FBXL2: variants seen among roughly 807,000 people sequenced by gnomAD.
FBXL2 encodes the protein F-box and leucine rich repeat protein 2, also known as F-box/LRR-repeat protein 2.
A neutral mutation model predicts 69.2 loss-of-function variants in FBXL2; 38 were observed. That is an observed-to-expected ratio of 0.55 (90% CI 0.42 to 0.72). The LOEUF (loss-of-function observed/expected upper bound fraction) is 0.72. Ranked by LOEUF, FBXL2 falls within the 30% of genes least tolerant of loss-of-function variation. FBXL2 has a pLI of 0.00. For missense variants in FBXL2, 354 were observed against 520.3 expected (o/e 0.68, Z 3.11); for synonymous variants, 192 against 201.3 (o/e 0.95, Z 0.39).
chr3:33,359,074 G>T (rs1465323393), intron 3 of FBXL2, 53 bp downstream of exon 3: 6 of 1,234,098 alleles, frequency 4.9e-6, no homozygotes, highest in South Asian at 1.6e-5. Context: ...TTATTAGAAT[G>T]AGTTTTAGTT....
At chr3:33,328,580 A>G (rs1370438074) in intron 2 of FBXL2, among the ~76,000 whole-genome samples, 2 of 152,218 alleles carry the variant, frequency 1.3e-5, no homozygotes, top group Non-Finnish European at 2.9e-5. Context: ...CAACGGCACC[A>G]AGAACATAAA....
At chr3:33,371,199 C>T (rs1329664535) in intron 5 of FBXL2, among the ~76,000 whole-genome samples, 6 of 144,062 alleles carry the variant, frequency 4.2e-5, no homozygotes, top group Admixed American at 7.3e-5. Context: ...GAGTCTCGCT[C>T]TGTGGCCCAG....
At chr3:33,289,704 C>G in intron 1 of FBXL2, 1 of 980,978 alleles carries the variant, frequency 1.0e-6, no homozygotes, top group Non-Finnish European at 1.2e-6. Flanking sequence ...CACCTACCTG[C>G]CAACTTTTCC....
chr3:33,358,464 C>T (rs1270868439), intron 2 of FBXL2, among the ~76,000 whole-genome samples: 1 of 152,182 alleles, frequency 6.6e-6, no homozygotes, highest in Non-Finnish European at 1.5e-5. Flanking sequence ...CCTATGTTCT[C>T]TGGCTCCTTG....
intron 12 of FBXL2, among the ~76,000 whole-genome samples, chr3:33,400,444 A>G (rs1412388863): frequency 2.0e-5 from 3 of 152,206 alleles, no homozygotes; most frequent in Admixed American, 2.0e-4. Context: ...AGAAACTTAA[A>G]CATGATACAC....
intron 2 of FBXL2, among the ~76,000 whole-genome samples, chr3:33,350,438 T>C (rs2040750875): frequency 6.6e-6 from 1 of 151,608 alleles, no homozygotes. Context: ...TCATAATTTT[T>C]TTTTTTTTTT....
In FBXL2 at chr3:33,281,442, CATT is replaced by C. The variant is rs1355941552; in HGVS notation, c.3+3928_3+3930del. ...GCCACATTTTCTTAATCCAGTCTAT[CATT>C]GTTGGACATTTGGGTTGGTTCCAAG... On this transcript the variant is annotated intron_variant, in intron 1 of 14. Transcript: ENST00000484457. 5.3e-5 allele frequency among the ~76,000 whole-genome samples: 8 copies of C among 152,212 alleles called. No homozygotes were observed. The East Asian group carries it at 7.7e-4, about 15-fold the overall frequency.
chr3:33,334,714 A>G (rs993981230), intron 2 of FBXL2, among the ~76,000 whole-genome samples: 5 of 152,302 alleles, frequency 3.3e-5, no homozygotes, highest in East Asian at 1.9e-4. Flanking sequence ...TGAAACACCT[A>G]TGCACACTAT....
intron 2 of FBXL2, among the ~76,000 whole-genome samples, chr3:33,353,375 A>G (rs1291197231): frequency 1.3e-5 from 2 of 152,262 alleles, no homozygotes; most frequent in Non-Finnish European, 2.9e-5. Flanking sequence ...ACTAGAAGCA[A>G]CTAAGATGTC....
chr3:33,336,970 C>T (rs1054406315), intron 2 of FBXL2, among the ~76,000 whole-genome samples: 12 of 151,792 alleles, frequency 7.9e-5, no homozygotes, highest in Admixed American at 1.3e-4. Context: ...TTTGGGAGGC[C>T]GAGGTGGGCG....
intron 4 of FBXL2, among the ~76,000 whole-genome samples, chr3:33,360,116 T>C (rs568258684): frequency 6.6e-6 from 1 of 152,346 alleles, no homozygotes; most frequent in African/African-American, 2.4e-5. Flanking sequence ...AAAACCTAAT[T>C]GATTTCCAGT....
At chr3:33,409,216 C>G in the FBXL2 span, 1 of 1,610,846 alleles carries the variant, frequency 6.2e-7, no homozygotes, top group South Asian at 1.1e-5. Context: ...CTTCCAAAAC[C>G]AAATGCTTTA....
intron 1 of FBXL2, among the ~76,000 whole-genome samples, chr3:33,292,903 T>G (rs2035380447): frequency 6.6e-6 from 1 of 152,214 alleles, no homozygotes; most frequent in African/African-American, 2.4e-5. Flanking sequence ...ACAAAGGTGA[T>G]TATATGTTGA....
intron 13 of FBXL2, chr3:33,382,700 C>A (rs537582415): frequency 2.0e-5 from 3 of 152,200 alleles, no homozygotes; most frequent in Non-Finnish European, 4.4e-5. Context: ...ATCGAAATAA[C>A]CCCTGCAGCA....
chr3:33,340,925 G>A (rs937267086), intron 2 of FBXL2, among the ~76,000 whole-genome samples: 6 of 148,206 alleles, frequency 4.0e-5, no homozygotes, highest in Admixed American at 1.4e-4. Flanking sequence ...AAAAAGAAGA[G>A]GAAGTATTTA....
intron 2 of FBXL2, among the ~76,000 whole-genome samples, chr3:33,319,424 T>C (rs1409279897): frequency 6.6e-6 from 1 of 152,220 alleles, no homozygotes; most frequent in Non-Finnish European, 1.5e-5. Context: ...ATTTTTAACT[T>C]TAAGAAATAA....
At chr3:33,289,361 C>G (rs9822561) in intron 1 of FBXL2, among the ~76,000 whole-genome samples, 1,606 of 152,232 alleles carry the variant, frequency 0.011, 20 homozygotes, top group African/African-American at 0.037. Context: ...ATAAAGACTT[C>G]CATTTCCTGT....
At chr3:33,404,884 T>C (rs1022112694), downstream of FBXL2, among the ~76,000 whole-genome samples, 2 of 152,216 alleles carry the variant, frequency 1.3e-5, no homozygotes, top group African/African-American at 4.8e-5. Context: ...ATTGCTCATA[T>C]GTATAAAATT....
intron 13 of FBXL2, 125 bp downstream of exon 13, chr3:33,378,866 A>T: frequency 1.3e-6 from 2 of 1,547,018 alleles, no homozygotes; most frequent in Non-Finnish European, 1.7e-6. Flanking sequence ...AAAATCTATT[A>T]ATTGGGCTAA....
Sources: allele counts gnomAD v4.1 joint callset (sites outside exome capture counted in the v4.1 genomes callset), GRCh38; gene constraint gnomAD v4.1.1; transcripts MANE v1.5; gene names NCBI Gene and HGNC (gene_info 2026-07-23, HGNC 2026-07-21).